Variants in PLCB4 observed in about 807,000 individuals in gnomAD.
The protein encoded by PLCB4 is 1-phosphatidylinositol 4,5-bisphosphate phosphodiesterase beta-4.
Under a neutral mutation model 178.8 loss-of-function variants are expected in PLCB4, and 77 were observed. The observed-to-expected ratio is 0.43, with a 90% CI of 0.36 to 0.52. The LOEUF is 0.52. Ranked by LOEUF, PLCB4 falls within the 20% of genes least tolerant of loss-of-function variation. PLCB4 has a pLI of 0.00. For missense variants in PLCB4, 1,024 were observed against 1,453.4 expected (o/e 0.70, Z 4.80); for synonymous variants, 496 against 490.8 (o/e 1.01, Z -0.14).
intron 1 of PLCB4, among the ~76,000 whole-genome samples, chr20:9,088,576 A>G (rs2090542073): frequency 6.6e-6 from 1 of 152,212 alleles, no homozygotes; most frequent in Non-Finnish European, 1.5e-5. Flanking sequence ...TGCTTAATGA[A>G]TCAAGTCATG....
intron 4 of PLCB4, among the ~76,000 whole-genome samples, chr20:9,326,526 C>T (rs1412651434): frequency 6.6e-6 from 1 of 152,134 alleles, no homozygotes; most frequent in Non-Finnish European, 1.5e-5. Context: ...GGTTTACCAC[C>T]TTTTGAAGTT....
At chr20:9,136,931 A>G (rs2146847147) in intron 2 of PLCB4, among the ~76,000 whole-genome samples, 1 of 152,150 alleles carries the variant, frequency 6.6e-6, no homozygotes, top group Admixed American at 6.5e-5. Context: ...TGGCTTTAGA[A>G]TGGGTTCAGG....
chr20:9,135,896 G>A (rs1199465569), intron 2 of PLCB4, among the ~76,000 whole-genome samples: 1 of 152,030 alleles, frequency 6.6e-6, no homozygotes, highest in Admixed American at 6.6e-5. Context: ...TAAATTTTTA[G>A]CAAGCTTTTA....
intron 1 of PLCB4, among the ~76,000 whole-genome samples, chr20:9,080,997 T>C (rs2090116749): frequency 6.6e-6 from 1 of 152,246 alleles, no homozygotes; most frequent in Non-Finnish European, 1.5e-5. Context: ...CCTGAATTTA[T>C]GTCTGCAGAA....
intron 20 of PLCB4, among the ~76,000 whole-genome samples, chr20:9,403,982 G>A (rs1358688840): frequency 1.3e-5 from 2 of 152,196 alleles, no homozygotes; most frequent in Non-Finnish European, 1.5e-5. Context: ...ACACAGATAT[G>A]AATGACTAGA....
At chr20:9,141,553 T>TG (rs1378346564) in intron 2 of PLCB4, among the ~76,000 whole-genome samples, 3 of 152,128 alleles carry the variant, frequency 2.0e-5, no homozygotes, top group Non-Finnish European at 4.4e-5. Context: ...GAGATAAAGA[T>TG]GGGGGCAATC....
chr20:9,353,522 C>T (rs921838624), intron 7 of PLCB4, among the ~76,000 whole-genome samples: 1 of 152,216 alleles, frequency 6.6e-6, no homozygotes, highest in Non-Finnish European at 1.5e-5. Flanking sequence ...GTCTGTTATA[C>T]AAACAAACAT....
At chr20:9,265,050 A>T (rs1325313918) in intron 3 of PLCB4, among the ~76,000 whole-genome samples, 1 of 152,200 alleles carries the variant, frequency 6.6e-6, no homozygotes. Flanking sequence ...TGTGATTTTG[A>T]TAGAGGAGGC....
intron 21 of PLCB4, among the ~76,000 whole-genome samples, chr20:9,406,958 TAAA>T (rs1411741052): frequency 1.3e-5 from 2 of 152,256 alleles, no homozygotes; most frequent in African/African-American, 2.4e-5. Context: ...TTTCTATCAA[TAAA>T]TAAACTAATT....
chr20:9,270,297 T>C (rs2094390392), intron 3 of PLCB4, among the ~76,000 whole-genome samples: 1 of 152,170 alleles, frequency 6.6e-6, no homozygotes, highest in African/African-American at 2.4e-5. Flanking sequence ...ACAGTGTCTT[T>C]ACTCCAAAAA....
chr20:9,398,044 AGTATCCCT>A (rs2038738807), intron 19 of PLCB4, among the ~76,000 whole-genome samples: 1 of 152,302 alleles, frequency 6.6e-6, no homozygotes, highest in South Asian at 2.1e-4. Context: ...CACTGACCAT[AGTATCCCT>A]GTGGCCTCTC....
intron 3 of PLCB4, among the ~76,000 whole-genome samples, chr20:9,253,030 GTC>G (rs2147495249): frequency 6.6e-6 from 1 of 152,292 alleles, no homozygotes; most frequent in Non-Finnish European, 1.5e-5. Flanking sequence ...ATCTGTCTGT[GTC>G]TCTCTGCATA....
At chr20:9,206,144 A>C (rs2147214480) in intron 2 of PLCB4, among the ~76,000 whole-genome samples, 1 of 152,270 alleles carries the variant, frequency 6.6e-6, no homozygotes, top group African/African-American at 2.4e-5. Context: ...AACTTTAGGT[A>C]TTCCTGTGTT....
intron 1 of PLCB4, among the ~76,000 whole-genome samples, chr20:9,076,858 TGTAA>T (rs2089894837): frequency 1.3e-5 from 2 of 152,272 alleles, no homozygotes; most frequent in East Asian, 1.9e-4. Flanking sequence ...TTTAAAATGA[TGTAA>T]GTAATACATT....
At chr20:9,411,608 T>G (rs1487636106) in intron 25 of PLCB4, among the ~76,000 whole-genome samples, 1 of 152,146 alleles carries the variant, frequency 6.6e-6, no homozygotes, top group African/African-American at 2.4e-5. Flanking sequence ...TTGTCCTAGT[T>G]TCCTTAAATA....
chr20:9,128,593 C>T (rs1325993604), intron 2 of PLCB4, among the ~76,000 whole-genome samples: 3 of 152,098 alleles, frequency 2.0e-5, no homozygotes, highest in South Asian at 2.1e-4. Flanking sequence ...CCTTATTGAC[C>T]AGGCTGGTCT....
At chr20:9,166,425 C>G (rs2092971974) in intron 2 of PLCB4, 1 of 152,214 alleles carries the variant, frequency 6.6e-6, no homozygotes, top group Non-Finnish European at 1.5e-5. Context: ...CTCAGCCACT[C>G]TCTCTGGATA....
intron 2 of PLCB4, among the ~76,000 whole-genome samples, chr20:9,158,220 A>G (rs1484464613): frequency 2.0e-5 from 3 of 152,026 alleles, no homozygotes; most frequent in East Asian, 1.9e-4. Flanking sequence ...TACCATCTGC[A>G]TGCTTTTTGC....
chr20:9,423,854 G>A lies in PLCB4; in HGVS notation c.2426G>A (p.Arg809Gln), dbSNP rs781582090. 4 of 1,613,728 alleles carry A rather than the reference G, an allele frequency of 2.5e-6. No individual in the cohort carries two copies. The highest frequency in any genetic ancestry group is 1.1e-5 in the South Asian group (1 of 91,056). The change falls in exon 28 of 40, where the codon CGA becomes CAA. Residue 809 changes from arginine to glutamine, a missense_variant. Physicochemically the swap from Arg to Gln is conservative, Grantham distance 43. Around this residue, in one of 7 missense-constraint regions of PLCB4, gnomAD observed 227 missense variants for 374.3 expected, o/e 0.61. Coordinates refer to ENST00000378473, the MANE Select transcript of PLCB4 (RefSeq NM_001377142.1). ...LPLDGLQAGYRHISLRNEGNK... is the reference protein window; with the variant it reads ...LPLDGLQAGYQHISLRNEGNK... ...CTTGATGGCCTCCAAGCCGGATATC[G>A]ACACATTTCCCTTCGAAATGAGGGA...
Sources: allele counts gnomAD v4.1 joint callset (sites outside exome capture counted in the v4.1 genomes callset), GRCh38; gene constraint gnomAD v4.1.1; regional missense constraint gnomAD v4.1.1; transcripts MANE v1.5; gene names NCBI Gene and HGNC (gene_info 2026-07-23, HGNC 2026-07-21).